TIAM1: variants seen among roughly 807,000 people sequenced by gnomAD.
TIAM1 encodes rho guanine nucleotide exchange factor TIAM1.
A neutral mutation model predicts 163.5 loss-of-function variants in TIAM1; 65 were observed. That is an observed-to-expected ratio of 0.40 (90% CI 0.33 to 0.49). TIAM1 has a LOEUF of 0.49. Among genes scored for constraint, TIAM1 ranks in the 20% least tolerant of loss-of-function variants. The pLI is 0.77. For synonymous variants in TIAM1, 833 were observed against 810.1 expected (o/e 1.03, Z -0.48); for missense variants, 1,789 against 2,044.7 (o/e 0.87, Z 2.41).
At chr21:31,263,933 A>G (rs1180529985) in intron 4 of TIAM1, among the ~76,000 whole-genome samples, 1 of 152,192 alleles carries the variant, frequency 6.6e-6, no homozygotes, top group Non-Finnish European at 1.5e-5. Context: ...TCCAATTGAC[A>G]GTGCAGAAGT....
chr21:31,347,109 T>C (rs116130902), upstream of TIAM1, among the ~76,000 whole-genome samples: 4,921 of 152,192 alleles, frequency 0.032, 128 homozygotes, highest in African/African-American at 0.077. Context: ...TTCTTCCCTA[T>C]CTCTCAGGCC....
At chr21:31,131,676 A>G (rs139377803) in intron 23 of TIAM1, among the ~76,000 whole-genome samples, 27 of 152,022 alleles carry the variant, frequency 1.8e-4, no homozygotes, top group East Asian at 1.7e-3. Flanking sequence ...AGGGTGACTG[A>G]CTCCTGCCTG....
At chr21:31,543,458 G>A (rs749013089) in intron 1 of TIAM1, among the ~76,000 whole-genome samples, 2 of 152,074 alleles carry the variant, frequency 1.3e-5, no homozygotes, top group Non-Finnish European at 2.9e-5. Context: ...AAGAGTTTGC[G>A]GTCTGGCAAG....
intron 3 of TIAM1, among the ~76,000 whole-genome samples, chr21:31,268,846 C>T (rs373927924): frequency 3.9e-5 from 6 of 152,112 alleles, no homozygotes; most frequent in African/African-American, 1.4e-4. Context: ...AAGGCTTTGA[C>T]CAATGCCTTG....
chr21:31,266,655 A>G lies in TIAM1; in HGVS notation c.318T>C (p.Ser106=). The change falls in exon 4 of 28, where the codon TCT becomes TCC. Residue 106 remains serine (S), a synonymous_variant. Coordinates refer to ENST00000541036, the MANE Select transcript of TIAM1 (RefSeq NM_001353694.2). Reference sequence around the variant, plus strand: ...TGCTGTCTACGCTGGGAGTGACAGAAGAGTCAGTGTAAGACACAGGTCTCA... The same window carrying G: ...TGCTGTCTACGCTGGGAGTGACAGAGGAGTCAGTGTAAGACACAGGTCTCA... ...MGLRPVSYTD[S]SVTPSVDSSI... 1 of 1,614,190 alleles carries G rather than the reference A, an allele frequency of 6.2e-7. No homozygotes were observed. Among genetic ancestry groups the G allele is most frequent in the Non-Finnish European group, 8.5e-7 (1 of 1,180,036 alleles).
intron 12 of TIAM1, among the ~76,000 whole-genome samples, chr21:31,200,728 G>A (rs2086155078): frequency 6.6e-6 from 1 of 152,166 alleles, no homozygotes; most frequent in Non-Finnish European, 1.5e-5. Context: ...GTAAGCCTAT[G>A]TATTCTATTT....
intron 2 of TIAM1, among the ~76,000 whole-genome samples, chr21:31,363,518 C>T (rs1295124685): frequency 2.0e-5 from 3 of 152,204 alleles, no homozygotes; most frequent in East Asian, 1.9e-4. Context: ...CTCCATACCA[C>T]ATATTTGTGC....
intron 19 of TIAM1, among the ~76,000 whole-genome samples, chr21:31,148,329 T>C (rs1280599095): frequency 6.6e-6 from 1 of 152,204 alleles, no homozygotes; most frequent in Non-Finnish European, 1.5e-5. Context: ...GTTCTCATGA[T>C]AGCGAATAAG....
chr21:31,150,341 G>C (rs942041796), intron 19 of TIAM1, among the ~76,000 whole-genome samples: 16 of 152,010 alleles, frequency 1.1e-4, no homozygotes, highest in African/African-American at 3.9e-4. Context: ...TCTTTACCCC[G>C]GCTCCAAAAC....
At chr21:31,320,424 G>A (rs749400452) in intron 2 of TIAM1, among the ~76,000 whole-genome samples, 46 of 151,966 alleles carry the variant, frequency 3.0e-4, no homozygotes, top group Admixed American at 1.3e-3. Context: ...TGGCTACAGT[G>A]GTAAATTTTA....
At chr21:31,372,489 AACC>A (rs1165527497) in intron 2 of TIAM1, among the ~76,000 whole-genome samples, 2 of 152,192 alleles carry the variant, frequency 1.3e-5, no homozygotes, top group African/African-American at 4.8e-5. Flanking sequence ...GGAACCTAAG[AACC>A]ACGAGAGCAG....
intron 2 of TIAM1, among the ~76,000 whole-genome samples, chr21:31,312,216 C>T (rs1033947683): frequency 3.3e-5 from 5 of 152,200 alleles, no homozygotes; most frequent in African/African-American, 1.2e-4. Context: ...CCAATAAACT[C>T]CCCTTCATAT....
chr21:31,522,069 C>T (rs1171473052), intron 1 of TIAM1, among the ~76,000 whole-genome samples: 3 of 151,848 alleles, frequency 2.0e-5, no homozygotes, highest in South Asian at 2.1e-4. Flanking sequence ...GACAGGGTTT[C>T]ACCATGTTAA....
At chr21:31,226,041 G>A in intron 6 of TIAM1, 91 bp from the exon 7 acceptor site, 2 of 1,157,782 alleles carry the variant, frequency 1.7e-6, no homozygotes, top group Non-Finnish European at 2.5e-6. Context: ...GCAATGCCTG[G>A]GAGTCGAGGT....
At chr21:31,125,857 G>A (rs752652049) in intron 26 of TIAM1, among the ~76,000 whole-genome samples, 2 of 152,230 alleles carry the variant, frequency 1.3e-5, no homozygotes, top group African/African-American at 4.8e-5. Context: ...TTACAGGCAT[G>A]AGCCACCATG....
intron 2 of TIAM1, among the ~76,000 whole-genome samples, chr21:31,332,409 G>A (rs1477305428): frequency 1.3e-5 from 2 of 152,008 alleles, no homozygotes; most frequent in Non-Finnish European, 2.9e-5. Context: ...CTGAGCAACA[G>A]GCTCAACTAA....
At chr21:31,377,509 C>T (rs2076707479) in intron 2 of TIAM1, among the ~76,000 whole-genome samples, 2 of 152,124 alleles carry the variant, frequency 1.3e-5, no homozygotes, top group South Asian at 4.1e-4. Flanking sequence ...CACTATGCTC[C>T]CCTTAGCCCA....
At chr21:31,398,674 T>C (rs950527881) in intron 2 of TIAM1, among the ~76,000 whole-genome samples, 1 of 152,178 alleles carries the variant, frequency 6.6e-6, no homozygotes, top group Non-Finnish European at 1.5e-5. Flanking sequence ...AGGAGAAAAA[T>C]TATGACCAAT....
intron 1 of TIAM1, among the ~76,000 whole-genome samples, chr21:31,514,724 C>T (rs776398519): frequency 6.6e-6 from 1 of 152,140 alleles, no homozygotes; most frequent in Non-Finnish European, 1.5e-5. Context: ...AGTTTTGATA[C>T]AACCACAGTC....
Sources: allele counts gnomAD v4.1 joint callset (sites outside exome capture counted in the v4.1 genomes callset), GRCh38; gene constraint gnomAD v4.1.1; transcripts MANE v1.5; gene names NCBI Gene and HGNC (gene_info 2026-07-23, HGNC 2026-07-21).